Variants in HPRT1 observed in about 807,000 individuals in gnomAD.
HPRT1 encodes the protein hypoxanthine phosphoribosyltransferase 1, also known as hypoxanthine-guanine phosphoribosyltransferase.
Under a neutral mutation model 19.0 loss-of-function variants are expected in HPRT1, and 4 were observed. That is an observed-to-expected ratio of 0.21 (90% CI 0.10 to 0.48). HPRT1 has a LOEUF of 0.48. HPRT1 is among the 20% of genes least tolerant of loss of function. The pLI is 0.98. For synonymous variants in HPRT1, 53 were observed against 54.9 expected, an observed-to-expected ratio of 0.97 and a Z score of 0.15; for missense variants, 65 against 164.0, an observed-to-expected ratio of 0.40 and a Z score of 3.30.
intron 1 of HPRT1, among the ~76,000 whole-genome samples, chrX:134,464,009 AT>A (rs17882408): frequency 0.013 from 1,392 of 108,865 alleles, 23 homozygotes; most frequent in African/African-American, 0.044. Flanking sequence ...GATAAGTATA[AT>A]TTTTTTTTTG....
intron 4 of HPRT1, among the ~76,000 whole-genome samples, chrX:134,488,480 T>C (rs2077659038): frequency 9.0e-6 from 1 of 111,264 alleles, no homozygotes; most frequent in South Asian, 3.8e-4. Flanking sequence ...GATATATATG[T>C]ATATAAATAT....
At position 134,500,238 on chromosome X, in the gene HPRT1, C is replaced by G. The variant is rs2077692074; in HGVS notation, c.*161C>G. 1 of 469,587 alleles carries G rather than the reference C, an allele frequency of 2.1e-6. No homozygotes were observed. The highest frequency in any genetic ancestry group is 3.8e-6 in the Non-Finnish European group (1 of 265,971). The allele number at this position is 469,587 out of a possible 1,213,427, so 38.7% of individuals were successfully genotyped here. A position where few individuals can be genotyped will look rare whatever the true frequency, so the allele number is the denominator to read the frequency against. On this transcript the variant is annotated 3_prime_UTR_variant, in exon 9 of 9. Transcript: ENST00000298556. ...TGTACTTTAGAAATGTCAGTTGCTG[C>G]ATTCCTAAACTGTTTATTTGCACTA...
In HPRT1 at chrX:134,460,183, C is replaced by G. The variant is rs1264238876; in HGVS notation, c.-129C>G. On this transcript the variant is annotated 5_prime_UTR_variant, in exon 1 of 9. Coordinates refer to ENST00000298556, the MANE Select transcript of HPRT1 (RefSeq NM_000194.3). ...TCTCCTCAGCTTCAGGCGGCTGCGA[C>G]GAGCCCTCAGGCGAACCTCTCGGCT... 3 of 687,862 alleles carry G rather than the reference C, an allele frequency of 4.4e-6. No individual in the cohort carries two copies. The highest frequency in any genetic ancestry group is 3.1e-5 in the Admixed American group (1 of 32,374). 56.7% of individuals were successfully genotyped at this position (687,862 alleles called of 1,213,427 possible). A position where few individuals can be genotyped will look rare whatever the true frequency, so the allele number is the denominator to read the frequency against.
intron 1 of HPRT1, among the ~76,000 whole-genome samples, chrX:134,463,810 G>A (rs1348531742): frequency 9.0e-6 from 1 of 111,424 alleles, no homozygotes; most frequent in Non-Finnish European, 1.9e-5. Flanking sequence ...GTGTAGACTT[G>A]ATAAAATTTA....
At chrX:134,470,355 C>T (rs1456323904) in intron 1 of HPRT1, among the ~76,000 whole-genome samples, 4 of 111,962 alleles carry the variant, frequency 3.6e-5, no homozygotes, top group African/African-American at 1.3e-4. Flanking sequence ...GCTTTGGGGA[C>T]TGAAAGACAG....
intron 1 of HPRT1, among the ~76,000 whole-genome samples, chrX:134,472,693 A>G (rs1280580570): frequency 9.0e-6 from 1 of 110,513 alleles, no homozygotes; most frequent in Non-Finnish European, 1.9e-5. Context: ...CAGCCTCCCA[A>G]GTAGCTGGGA....
chrX:134,479,697 G>A (rs566059783), intron 3 of HPRT1, among the ~76,000 whole-genome samples: 1 of 110,791 alleles, frequency 9.0e-6, no homozygotes, highest in South Asian at 3.8e-4. Flanking sequence ...CAACCTCTGC[G>A]TGGGCTCAAG....
chrX:134,490,295 T>A, intron 5 of HPRT1, 90 bp downstream of exon 5: 1 of 491,542 alleles, frequency 2.0e-6, no homozygotes, highest in Non-Finnish European at 3.4e-6. Context: ...GAGAAATTCC[T>A]CTGCATCAGT....
At chrX:134,495,299 A>G (rs184576835) in intron 6 of HPRT1, among the ~76,000 whole-genome samples, 1 of 111,012 alleles carries the variant, frequency 9.0e-6, no homozygotes, top group African/African-American at 3.3e-5. Context: ...AAAGTGAGAA[A>G]CACATGGACT....
At chrX:134,491,108 C>T (rs940239837) in intron 5 of HPRT1, among the ~76,000 whole-genome samples, 3 of 106,501 alleles carry the variant, frequency 2.8e-5, no homozygotes, top group Non-Finnish European at 3.9e-5. Context: ...ATCATTATCA[C>T]GCTCAATTTT....
chrX:134,497,295 C>T (rs778568007), intron 6 of HPRT1, among the ~76,000 whole-genome samples: 1 of 110,932 alleles, frequency 9.0e-6, no homozygotes, highest in Non-Finnish European at 1.9e-5. Flanking sequence ...CACCACTGCA[C>T]TGCAGCCTGG....
chrX:134,483,373 CCCTATTATCCTT>C (rs775444737), intron 3 of HPRT1, among the ~76,000 whole-genome samples: 2 of 111,908 alleles, frequency 1.8e-5, no homozygotes, highest in South Asian at 7.4e-4. Flanking sequence ...CAAAGTTCTT[CCCTATTATCCTT>C]CCTATTTTTT....
intron 3 of HPRT1, among the ~76,000 whole-genome samples, chrX:134,486,050 T>C (rs1328028771): frequency 1.8e-5 from 2 of 111,535 alleles, no homozygotes; most frequent in Non-Finnish European, 3.8e-5. Flanking sequence ...ACAATTTGCT[T>C]GACTCATGGG....
chrX:134,489,181 A>G (rs778412999), intron 4 of HPRT1, among the ~76,000 whole-genome samples: 93 of 111,851 alleles, frequency 8.3e-4, no homozygotes, highest in African/African-American at 2.9e-3. Flanking sequence ...GAGTCTTCAA[A>G]CTTGTATTTG....
At position 134,460,167 on chromosome X, in the gene HPRT1, C is replaced by T; in HGVS notation, c.-145C>T. ...GAGGGCGGGGCCTGCTTCTCCTCAG[C>T]TTCAGGCGGCTGCGACGAGCCCTCA... On this transcript the variant is annotated 5_prime_UTR_variant, in exon 1 of 9. Coordinates refer to ENST00000298556, the MANE Select transcript of HPRT1 (RefSeq NM_000194.3). 1 of 576,016 alleles carries T rather than the reference C, an allele frequency of 1.7e-6. No homozygotes were observed. The allele number at this position is 576,016 out of a possible 1,213,427, so 47.5% of individuals were successfully genotyped here.
At chrX:134,466,286 C>T (rs1239514919) in intron 1 of HPRT1, among the ~76,000 whole-genome samples, 1 of 109,362 alleles carries the variant, frequency 9.1e-6, no homozygotes, top group Non-Finnish European at 1.9e-5. Context: ...GGTGTGGTAG[C>T]GGGCTCCTGT....
intron 3 of HPRT1, among the ~76,000 whole-genome samples, chrX:134,480,655 C>G (rs1462649081): frequency 2.9e-5 from 3 of 104,253 alleles, no homozygotes; most frequent in Admixed American, 2.1e-4. Flanking sequence ...TGCTGTGTTG[C>G]CCAGGCTGGT....
intron 3 of HPRT1, among the ~76,000 whole-genome samples, chrX:134,477,310 C>T (rs2077628458): frequency 9.1e-6 from 1 of 109,343 alleles, no homozygotes; most frequent in Admixed American, 1.0e-4. Flanking sequence ...ATCCACCCAC[C>T]TCAGCCTCCC....
intron 3 of HPRT1, among the ~76,000 whole-genome samples, chrX:134,486,079 CCA>C (rs2077651966): frequency 9.0e-6 from 1 of 111,230 alleles, no homozygotes; most frequent in Non-Finnish European, 1.9e-5. Flanking sequence ...AGGGCCAGAA[CCA>C]GACACCTGTC....
Sources: allele counts gnomAD v4.1 joint callset (sites outside exome capture counted in the v4.1 genomes callset), GRCh38; gene constraint gnomAD v4.1.1; transcripts MANE v1.5; gene names NCBI Gene and HGNC (gene_info 2026-07-23, HGNC 2026-07-21).